Variants in CCDC66 observed in about 807,000 individuals in gnomAD.
CCDC66 encodes the protein coiled-coil domain containing 66.
A neutral mutation model predicts 128.3 loss-of-function variants in CCDC66; 133 were observed. The ratio of observed to expected loss-of-function variants is 1.04; its 90% CI spans 0.90 to 1.20. The LOEUF (loss-of-function observed/expected upper bound fraction) is 1.20. Ranked by LOEUF, CCDC66 falls within the 50% of genes most tolerant of loss-of-function variation. The pLI is 0.00. For synonymous variants in CCDC66, 387 were observed against 357.0 expected, an observed-to-expected ratio of 1.08 and a Z score of -0.95; for missense variants, 1,126 against 1,075.5, an observed-to-expected ratio of 1.05 and a Z score of -0.66.
chr3:56,575,831 A>G (rs942872837), intron 7 of CCDC66, among the ~76,000 whole-genome samples: 4 of 151,798 alleles, frequency 2.6e-5, no homozygotes, highest in Admixed American at 1.3e-4. Context: ...TTGTTGAAGA[A>G]TGTCCTTTCC....
chr3:56,617,515 C>T lies in CCDC66; in HGVS notation c.2247C>T (p.His749=). ...TGGTAGAAAAAAATAATCCTGGGCA[C>T]CTCTCTCAAAACAGAGGCATTTCAC... ...LHLVEKNNPG[H]LSQNRGISPE... Residue 749 remains histidine (H), a synonymous_variant, in exon 14 of 18, where the codon CAC becomes CAT. Coordinates refer to ENST00000394672, the MANE Select transcript of CCDC66 (RefSeq NM_001141947.3). 2 of 1,613,648 alleles carry T rather than the reference C, an allele frequency of 1.2e-6. No individual in the cohort carries two copies. The highest frequency in any genetic ancestry group is 1.1e-5 in the South Asian group (1 of 90,914).
chr3:56,615,407 T>C, intron 12 of CCDC66, 135 bp downstream of exon 12: 1 of 791,068 alleles, frequency 1.3e-6, no homozygotes, highest in Non-Finnish European at 1.9e-6. Flanking sequence ...CACAGCTCAC[T>C]GCAACCTCAT....
chr3:56,570,077 C>T (rs1390227759), intron 6 of CCDC66: 1 of 152,248 alleles, frequency 6.6e-6, no homozygotes, highest in Non-Finnish European at 1.5e-5. Context: ...CTCAGGTGAT[C>T]CGCCTGCCTT....
intron 7 of CCDC66, among the ~76,000 whole-genome samples, chr3:56,571,683 A>T (rs1345715119): frequency 2.0e-5 from 3 of 152,062 alleles, no homozygotes; most frequent in Non-Finnish European, 4.4e-5. Flanking sequence ...CAGCCTATTT[A>T]AAAAAACTTG....
intron 10 of CCDC66, among the ~76,000 whole-genome samples, chr3:56,611,217 CAG>C (rs1559753959): frequency 1.2e-4 from 18 of 152,162 alleles, no homozygotes; most frequent in African/African-American, 4.3e-4. Context: ...TGTCTGAGGT[CAG>C]GCTCTCCTTG....
chr3:56,618,192 T>A lies in CCDC66; in HGVS notation c.2358T>A (p.Ile786=). 1 of 1,612,550 alleles carries A rather than the reference T, an allele frequency of 6.2e-7. No homozygotes were observed. Among genetic ancestry groups the A allele is most frequent in the Non-Finnish European group, 8.5e-7 (1 of 1,178,624 alleles). ...LVKKEEEPLN[I]HSFSKERSPS... is the part of the protein sequence containing the mutation. ...TTTAGGAAGAAGAGCCTCTGAATAT[T>A]CATTCATTCAGCAAGGAAAGGTAAG... Residue 786 remains isoleucine (I), a synonymous_variant, in exon 15 of 18, where the codon ATT becomes ATA. Coordinates refer to ENST00000394672, the MANE Select transcript of CCDC66 (RefSeq NM_001141947.3).
intron 7 of CCDC66, among the ~76,000 whole-genome samples, chr3:56,575,153 TTG>T (rs2067186416): frequency 6.6e-6 from 1 of 151,898 alleles, no homozygotes; most frequent in Non-Finnish European, 1.5e-5. Context: ...TTAAACTATT[TTG>T]TGTTAAATTT....
At chr3:56,597,777 G>GTTTTTTT (rs3064563) in intron 10 of CCDC66, among the ~76,000 whole-genome samples, 930 of 87,696 alleles carry the variant, frequency 0.011, 79 homozygotes, top group East Asian at 0.027. Context: ...TTGTTTTGGG[G>GTTTTTTT]TTTTTTTTTT....
chr3:56,617,945 CT>C lies in CCDC66; in HGVS notation c.2338-224del, dbSNP rs2075729484. 1.5e-5 allele frequency: 9 copies of C among 586,668 alleles called. No individual in the cohort carries two copies. In the Admixed American group the frequency reaches 1.9e-4, roughly 12 times the overall value. The allele number at this position is 586,668 out of a possible 1,614,324, so 36.3% of individuals were successfully genotyped here. ...ATGGATGCTGTGTATTCAAATACCC[CT>C]TTAAAACCCTTGTTTATAGTCCACA... On this transcript the variant is annotated intron_variant, in intron 14 of 17. Coordinates refer to ENST00000394672, the MANE Select transcript of CCDC66 (RefSeq NM_001141947.3).
chr3:56,596,908 C>T (rs956424351), intron 10 of CCDC66, among the ~76,000 whole-genome samples: 3 of 144,044 alleles, frequency 2.1e-5, no homozygotes, highest in Non-Finnish European at 4.5e-5. Context: ...GTGCATGCCA[C>T]CACACCTGGC....
In CCDC66 at chr3:56,621,718, A is replaced by G. The variant is rs545088616; in HGVS notation, c.*100A>G. On this transcript the variant is annotated 3_prime_UTR_variant, in exon 18 of 18. Transcript: ENST00000394672. Reference sequence around the variant, plus strand: ...TTTTTCAAATAGCCTAGATTTACTTATTTTTTTAAATGCTCATTAAAAACT... The same window carrying G: ...TTTTTCAAATAGCCTAGATTTACTTGTTTTTTTAAATGCTCATTAAAAACT... 37 of 702,692 alleles carry G rather than the reference A, an allele frequency of 5.3e-5. No homozygotes were observed. The East Asian group carries it at 1.1e-3, about 21-fold the overall frequency. 43.5% of individuals were successfully genotyped at this position (702,692 alleles called of 1,614,324 possible). A position where few individuals can be genotyped will look rare whatever the true frequency, so the allele number is the denominator to read the frequency against.
intron 7 of CCDC66, among the ~76,000 whole-genome samples, chr3:56,584,114 C>T (rs1484071856): frequency 1.4e-5 from 2 of 145,460 alleles, no homozygotes; most frequent in Non-Finnish European, 1.5e-5. Context: ...CGGGGGCTGC[C>T]CCCCACCTCC....
In CCDC66 at chr3:56,619,422, T is replaced by C; in HGVS notation, c.2530T>C (p.Ser844Pro). The C allele has an allele frequency of 1.2e-6, 2 of 1,614,064 alleles. No homozygotes were observed. The highest frequency in any genetic ancestry group is 1.7e-6 in the Non-Finnish European group (2 of 1,179,962). Residue 844 changes from serine to proline, a missense_variant, in exon 16 of 18, where the codon TCC becomes CCC. By Grantham distance (74) the Ser-to-Pro change is moderately conservative. Transcript: ENST00000394672. ...TELSSGISES[S>P]HFIPYVRTNE... Reference sequence around the variant, plus strand: ...ATTATCATCTGGGATTTCTGAATCATCCCATTTTATTCCGTATGTTCGAAC... The same window carrying C: ...ATTATCATCTGGGATTTCTGAATCACCCCATTTTATTCCGTATGTTCGAAC...
At chr3:56,618,455 CTAAGTGATTTTGA>C in intron 15 of CCDC66, 2 of 418,410 alleles carry the variant, frequency 4.8e-6, no homozygotes, top group South Asian at 1.3e-4. Flanking sequence ...CTAGACTTAA[CTAAGTGATTTTGA>C]TATTCCAGGT....
intron 7 of CCDC66, among the ~76,000 whole-genome samples, chr3:56,577,998 A>T (rs2067675103): frequency 6.6e-6 from 1 of 151,880 alleles, no homozygotes. Context: ...GAATCTATAC[A>T]TTACTTTGGG....
intron 10 of CCDC66, among the ~76,000 whole-genome samples, chr3:56,612,699 A>G (rs2075006287): frequency 6.6e-6 from 1 of 152,114 alleles, no homozygotes; most frequent in African/African-American, 2.4e-5. Flanking sequence ...CAGGTGGCAT[A>G]TGAGGGTGGG....
At position 56,571,209 on chromosome 3, in the gene CCDC66, AAAAG is replaced by A. The variant is rs745584519; in HGVS notation, c.846_849del (p.Glu283PhefsTer17). ...AACAGGTTGCTTTAAAGAAGAAAGA[AAAAG>A]AAGTTTCTGAAAAATGGAATGATCC... is the stretch of plus-strand genomic sequence containing the variant. On this transcript the variant is annotated frameshift_variant, in exon 7 of 18. Coordinates refer to ENST00000394672, the MANE Select transcript of CCDC66 (RefSeq NM_001141947.3). LOFTEE classifies it high-confidence loss of function. The A allele has an allele frequency of 2.6e-6, 4 of 1,532,196 alleles. No homozygotes were observed. The South Asian group carries it at 3.6e-5, about 14-fold the overall frequency. The allele number at this position is 1,532,196 out of a possible 1,614,324, so 94.9% of individuals were successfully genotyped here.
At chr3:56,600,902 C>T (rs1351527887) in intron 10 of CCDC66, among the ~76,000 whole-genome samples, 1 of 152,012 alleles carries the variant, frequency 6.6e-6, no homozygotes, top group Non-Finnish European at 1.5e-5. Context: ...GGGTAGATTG[C>T]AGAAATTGTC....
intron 7 of CCDC66, among the ~76,000 whole-genome samples, chr3:56,575,931 C>A (rs1052888684): frequency 6.6e-6 from 1 of 151,730 alleles, no homozygotes; most frequent in African/African-American, 2.4e-5. Flanking sequence ...ATTAGTCTGT[C>A]TGTATGCTAC....
Sources: allele counts gnomAD v4.1 joint callset (sites outside exome capture counted in the v4.1 genomes callset), GRCh38; gene constraint gnomAD v4.1.1; transcripts MANE v1.5; gene names NCBI Gene and HGNC (gene_info 2026-07-23, HGNC 2026-07-21).